CSMD1: variants seen among roughly 807,000 people sequenced by gnomAD.
CSMD1 encodes the protein CUB and Sushi multiple domains 1, also known as CUB and sushi domain-containing protein 1.
A neutral mutation model predicts 417.5 loss-of-function variants in CSMD1; 213 were observed. That is an observed-to-expected ratio of 0.51 (90% CI 0.46 to 0.57). CSMD1 has a LOEUF of 0.57. Ranked by LOEUF, CSMD1 falls within the 20% of genes least tolerant of loss-of-function variation. The pLI, the probability that CSMD1 is intolerant of heterozygous loss-of-function variation, is 0.00. For synonymous variants in CSMD1, 2,862 were observed against 1,736.8 expected (o/e 1.65, Z -16.11); for missense variants, 6,923 against 4,529.7 (o/e 1.53, Z -15.17).
chr8:4,288,918 C>G (rs1164351179), intron 3 of CSMD1, among the ~76,000 whole-genome samples: 2 of 152,116 alleles, frequency 1.3e-5, no homozygotes, highest in African/African-American at 4.8e-5. Context: ...AGTCCTCATT[C>G]CATATATAAC....
At chr8:4,219,497 G>T (rs1196591388) in intron 3 of CSMD1, among the ~76,000 whole-genome samples, 1 of 151,988 alleles carries the variant, frequency 6.6e-6, no homozygotes, top group Non-Finnish European at 1.5e-5. Flanking sequence ...CGTCTCTTGG[G>T]TGTTCCCAAC....
At chr8:3,415,030 G>C (rs1014233128) in intron 12 of CSMD1, among the ~76,000 whole-genome samples, 1 of 152,136 alleles carries the variant, frequency 6.6e-6, no homozygotes. Context: ...CACCTGTTCA[G>C]AGTCAACACA....
chr8:3,818,666 A>C (rs2129081236), intron 5 of CSMD1, among the ~76,000 whole-genome samples: 1 of 152,322 alleles, frequency 6.6e-6, no homozygotes, highest in Non-Finnish European at 1.5e-5. Context: ...TGATGACAGC[A>C]ATGATGACCT....
At chr8:4,602,937 T>G (rs1452510595) in intron 2 of CSMD1, among the ~76,000 whole-genome samples, 1 of 151,918 alleles carries the variant, frequency 6.6e-6, no homozygotes, top group East Asian at 1.9e-4. Flanking sequence ...TGTATGAATG[T>G]AACTATAAAA....
In CSMD1 at chr8:4,933,647, T is replaced by C. The variant is rs1029880262; in HGVS notation, c.85+60685A>G. The stretch of plus-strand genomic sequence containing the variant: ...CCACAATGTACTTTCCGAATGCCTG[T>C]CAAATAAATGGATAGATGAAAGGAA... On this transcript the variant is annotated intron_variant, in intron 1 of 69. Transcript: ENST00000635120. Among the ~76,000 whole-genome samples the C allele has an allele frequency of 2.4e-4, 37 of 152,066 alleles. 1 individual carries two copies. Among genetic ancestry groups the C allele is most frequent in the Non-Finnish European group, 8.8e-5 (6 of 68,024 alleles).
chr8:3,731,205 T>G (rs1455624858), intron 6 of CSMD1, among the ~76,000 whole-genome samples: 7 of 152,206 alleles, frequency 4.6e-5, no homozygotes, highest in Non-Finnish European at 7.3e-5. Flanking sequence ...ATTAAGCAGT[T>G]TCTCCACCTT....
At chr8:3,580,623 G>A (rs938099062) in intron 9 of CSMD1, among the ~76,000 whole-genome samples, 1 of 152,100 alleles carries the variant, frequency 6.6e-6, no homozygotes, top group African/African-American at 2.4e-5. Flanking sequence ...GTGACCTTCA[G>A]GTAAAAAGTA....
intron 5 of CSMD1, among the ~76,000 whole-genome samples, chr8:3,765,364 C>T (rs771254509): frequency 2.6e-5 from 4 of 152,116 alleles, no homozygotes; most frequent in African/African-American, 9.7e-5. Flanking sequence ...ACCTTTCTCT[C>T]CTTGTCTTTA....
rs773558052 is a variant in CSMD1 at position 3,254,690 on chromosome 8, C to G, written c.4154-24459G>C. Among the ~76,000 whole-genome samples, 71 of 152,284 alleles carry G rather than the reference C, an allele frequency of 4.7e-4. 1 individual carries two copies. The highest frequency in any genetic ancestry group is 3.4e-3 in the Middle Eastern group (1 of 294). ...GCTATTGAGACTTGTGCATTTGTCA[C>G]TTAGTTCTCGAGCCTTGGTTTTCAG... On this transcript the variant is annotated intron_variant, in intron 26 of 69. Transcript: ENST00000635120.
chr8:4,083,170 G>T (rs938047080), intron 3 of CSMD1, among the ~76,000 whole-genome samples: 2 of 152,074 alleles, frequency 1.3e-5, no homozygotes, highest in African/African-American at 4.8e-5. Flanking sequence ...TCTGGTTCTA[G>T]ATCCCTGAGG....
At chr8:3,010,836 C>T (rs1301314828) in intron 52 of CSMD1, among the ~76,000 whole-genome samples, 7 of 151,760 alleles carry the variant, frequency 4.6e-5, no homozygotes, top group East Asian at 1.9e-4. Flanking sequence ...CTCCACCTCC[C>T]GGGTTCACGC....
chr8:4,788,679 T>A (rs1797535998), intron 1 of CSMD1: 1 of 572,300 alleles, frequency 1.7e-6, no homozygotes, highest in East Asian at 2.8e-5. Context: ...TAATTATAAA[T>A]TAGAGAACAC....
chr8:4,344,795 T>C (rs1272822704), intron 3 of CSMD1, among the ~76,000 whole-genome samples: 2 of 152,124 alleles, frequency 1.3e-5, no homozygotes, highest in Admixed American at 6.6e-5. Flanking sequence ...GCAAGAAATA[T>C]ACATTAGCAT....
intron 3 of CSMD1, among the ~76,000 whole-genome samples, chr8:4,049,332 G>C (rs894011121): frequency 6.6e-6 from 1 of 151,852 alleles, no homozygotes; most frequent in Non-Finnish European, 1.5e-5. Context: ...CTATCTACTA[G>C]ATGCCATAGC....
At chr8:3,324,433 C>A in intron 23 of CSMD1, among the ~76,000 whole-genome samples, 1 of 148,458 alleles carries the variant, frequency 6.7e-6, no homozygotes, top group Non-Finnish European at 1.5e-5. Context: ...CACACCTAAT[C>A]CTCAGAGACC....
intron 3 of CSMD1, among the ~76,000 whole-genome samples, chr8:4,259,289 A>C (rs1803708491): frequency 6.6e-6 from 1 of 152,104 alleles, no homozygotes; most frequent in Non-Finnish European, 1.5e-5. Flanking sequence ...TGGCATTTGA[A>C]ATGAACAGTG....
At chr8:3,311,342 T>G (rs535532301) in intron 23 of CSMD1, among the ~76,000 whole-genome samples, 4 of 152,094 alleles carry the variant, frequency 2.6e-5, no homozygotes, top group African/African-American at 4.8e-5. Flanking sequence ...CTCCATCTCC[T>G]GGGTTCCAGT....
intron 4 of CSMD1, among the ~76,000 whole-genome samples, chr8:4,014,315 C>T (rs1324696739): frequency 6.6e-6 from 1 of 152,126 alleles, no homozygotes; most frequent in African/African-American, 2.4e-5. Flanking sequence ...ACATGGGAAA[C>T]ATTCATCACA....
At chr8:3,935,578 G>A (rs1406844672) in intron 5 of CSMD1, among the ~76,000 whole-genome samples, 1 of 152,114 alleles carries the variant, frequency 6.6e-6, no homozygotes, top group Non-Finnish European at 1.5e-5. Context: ...TTGCTATGGT[G>A]ATCTGTCATC....
Sources: allele counts gnomAD v4.1 joint callset (sites outside exome capture counted in the v4.1 genomes callset), GRCh38; gene constraint gnomAD v4.1.1; transcripts MANE v1.5; gene names NCBI Gene and HGNC (gene_info 2026-07-23, HGNC 2026-07-21).